Variants in RAP1A observed in about 807,000 individuals in gnomAD.
The protein encoded by RAP1A is ras-related protein Rap-1A.
In RAP1A, 6 loss-of-function variants were observed where a neutral mutation model predicts 26.4. That is an observed-to-expected ratio of 0.23 (90% confidence interval 0.12 to 0.45). The LOEUF is 0.45. Ranked by LOEUF, RAP1A falls within the 20% of genes least tolerant of loss-of-function variation. RAP1A has a pLI of 0.99. For missense variants in RAP1A, 121 were observed against 217.2 expected (o/e 0.56, Z 2.78); for synonymous variants, 73 against 79.4 (o/e 0.92, Z 0.43).
intron 1 of RAP1A, among the ~76,000 whole-genome samples, chr1:111,577,357 G>A (rs1298751925): frequency 5.1e-5 from 6 of 118,384 alleles, no homozygotes; most frequent in African/African-American, 6.6e-5. Flanking sequence ...AGCCGAGATC[G>A]CACCACTGCA....
At chr1:111,552,171 A>C (rs1657287272) in intron 1 of RAP1A, among the ~76,000 whole-genome samples, 1 of 152,218 alleles carries the variant, frequency 6.6e-6, no homozygotes, top group African/African-American at 2.4e-5. Flanking sequence ...AACAAGATAA[A>C]ACATGACTTT....
In RAP1A at chr1:111,664,171, C is replaced by G. The variant is rs1002903345; in HGVS notation, c.-27-27163C>G. ...GGTGGATCACCTGAGGTCAGGAGTTCAAGACGAGCCTGGCCAGCACGGTAA... is the reference window on the plus strand; with the variant it reads ...GGTGGATCACCTGAGGTCAGGAGTTGAAGACGAGCCTGGCCAGCACGGTAA... On this transcript the variant is annotated intron_variant, in intron 1 of 7. Coordinates refer to ENST00000369709, the MANE Select transcript of RAP1A (RefSeq NM_002884.4). 1.7e-4 allele frequency among the ~76,000 whole-genome samples: 26 copies of G among 151,972 alleles called. 1 individual carries two copies. The highest frequency in any genetic ancestry group is 5.8e-4 in the African/African-American group (24 of 41,386).
At chr1:111,648,037 G>C (rs1159764505) in intron 1 of RAP1A, among the ~76,000 whole-genome samples, 1 of 151,990 alleles carries the variant, frequency 6.6e-6, no homozygotes, top group Non-Finnish European at 1.5e-5. Context: ...GTCACAACCT[G>C]TCTGTACTCT....
At chr1:111,648,034 C>T (rs1380294119) in intron 1 of RAP1A, among the ~76,000 whole-genome samples, 1 of 151,978 alleles carries the variant, frequency 6.6e-6, no homozygotes, top group Non-Finnish European at 1.5e-5. Context: ...TAGGTCACAA[C>T]CTGTCTGTAC....
chr1:111,665,297 A>G (rs182752678), intron 1 of RAP1A, among the ~76,000 whole-genome samples: 1 of 152,246 alleles, frequency 6.6e-6, no homozygotes, highest in African/African-American at 2.4e-5. Context: ...TAGCTTTGGC[A>G]TGCTTTAGTT....
At position 111,675,379 on chromosome 1, in the gene RAP1A, G is replaced by A. The variant is rs1336229154; in HGVS notation, c.-27-15955G>A. Among the ~76,000 whole-genome samples the A allele has an allele frequency of 2.0e-5, 3 of 152,188 alleles. No homozygotes were observed. The East Asian group carries it at 5.8e-4, about 29-fold the overall frequency. ...CTCAGCTACTCGGGAGGCTGAGGCA[G>A]GAAAATGGTGTGAACCCAGGAGGCG... On this transcript the variant is annotated intron_variant, in intron 1 of 7. Coordinates refer to ENST00000369709, the MANE Select transcript of RAP1A (RefSeq NM_002884.4).
intron 1 of RAP1A, among the ~76,000 whole-genome samples, chr1:111,587,877 T>A (rs924416387): frequency 6.6e-6 from 1 of 152,204 alleles, no homozygotes; most frequent in African/African-American, 2.4e-5. Context: ...TTTTGGTTAT[T>A]GTGATACTGT....
chr1:111,679,956 C>T (rs888089708), intron 1 of RAP1A, among the ~76,000 whole-genome samples: 1 of 152,202 alleles, frequency 6.6e-6, no homozygotes, highest in African/African-American at 2.4e-5. Flanking sequence ...GGCAGCTGTG[C>T]ACACAGCTTC....
intron 1 of RAP1A, among the ~76,000 whole-genome samples, chr1:111,628,782 G>A (rs1659477990): frequency 1.3e-5 from 2 of 152,124 alleles, no homozygotes; most frequent in South Asian, 4.1e-4. Context: ...AAACAGCCTA[G>A]GCTTACATGC....
intron 1 of RAP1A, among the ~76,000 whole-genome samples, chr1:111,662,517 G>A (rs557514707): frequency 1.3e-5 from 2 of 151,998 alleles, no homozygotes; most frequent in Non-Finnish European, 2.9e-5. Context: ...ATAGCTCTGG[G>A]AACAAAAAAT....
intron 6 of RAP1A, among the ~76,000 whole-genome samples, chr1:111,707,547 G>A (rs933791755): frequency 1.3e-5 from 2 of 152,102 alleles, no homozygotes; most frequent in Non-Finnish European, 2.9e-5. Context: ...ACAATGATTA[G>A]AATCCTAAAA....
chr1:111,631,289 A>G, intron 1 of RAP1A, among the ~76,000 whole-genome samples: 1 of 152,186 alleles, frequency 6.6e-6, no homozygotes, highest in East Asian at 1.9e-4. Flanking sequence ...ATGTCATTGC[A>G]GTTGGTAGAC....
chr1:111,688,426 TCTC>T (rs1319882847), intron 1 of RAP1A, among the ~76,000 whole-genome samples: 1 of 151,748 alleles, frequency 6.6e-6, no homozygotes, highest in East Asian at 1.9e-4. Flanking sequence ...TTCAAGCGAT[TCTC>T]CTGCTTCCGC....
At chr1:111,691,965 C>T (rs1394182439) in intron 2 of RAP1A, among the ~76,000 whole-genome samples, 1 of 151,994 alleles carries the variant, frequency 6.6e-6, no homozygotes. Flanking sequence ...TACTTGTGAG[C>T]GAGATACTCT....
chr1:111,590,500 T>G (rs966230308), intron 1 of RAP1A, among the ~76,000 whole-genome samples: 1 of 152,234 alleles, frequency 6.6e-6, no homozygotes, highest in Non-Finnish European at 1.5e-5. Context: ...TTAAATTTTA[T>G]AAAATGTTTT....
chr1:111,612,045 T>A (rs536396807), intron 1 of RAP1A, among the ~76,000 whole-genome samples: 12 of 152,170 alleles, frequency 7.9e-5, no homozygotes, highest in Non-Finnish European at 1.6e-4. Flanking sequence ...ATAAATGATG[T>A]TAATTCACAT....
intron 1 of RAP1A, among the ~76,000 whole-genome samples, chr1:111,546,842 G>A (rs1657051292): frequency 6.6e-6 from 1 of 152,124 alleles, no homozygotes; most frequent in Non-Finnish European, 1.5e-5. Flanking sequence ...TTGAGGAATT[G>A]TCATATTGGT....
intron 1 of RAP1A, chr1:111,604,490 C>G (rs939450397): frequency 1.3e-5 from 2 of 152,162 alleles, no homozygotes; most frequent in African/African-American, 2.4e-5. Context: ...GTCCACAGTT[C>G]AGCTTATACC....
rs1231248757 is a variant in RAP1A at position 111,703,484 on chromosome 1, T to C, written c.324+8T>C. Reference sequence around the variant, plus strand: ...GTTAAGGACACGGAAGATGTAAGTATTTTTTCTCTCTGTAAGATGTTATGC... The same window carrying C: ...GTTAAGGACACGGAAGATGTAAGTACTTTTTCTCTCTGTAAGATGTTATGC... On this transcript the variant is annotated splice_region_variant and intron_variant, in intron 5 of 7. Transcript: ENST00000369709. 1 of 1,574,492 alleles carries C rather than the reference T, an allele frequency of 6.4e-7. No homozygotes were observed. The highest frequency in any genetic ancestry group is 8.6e-7 in the Non-Finnish European group (1 of 1,162,924).
Sources: gnomAD v4.1 joint callset for allele counts (sites outside exome capture counted in the v4.1 genomes callset) on GRCh38, gnomAD v4.1.1 for gene constraint, MANE v1.5 for transcripts, NCBI Gene and HGNC (gene_info 2026-07-23, HGNC 2026-07-21) for gene names.